Variants in DOCK1 observed in about 807,000 individuals in gnomAD.
The protein encoded by DOCK1 is dedicator of cytokinesis protein 1.
In DOCK1, 138 loss-of-function variants were observed where a neutral mutation model predicts 262.7. The ratio of observed to expected loss-of-function variants is 0.53; its 90% CI spans 0.46 to 0.61. DOCK1 has a LOEUF of 0.61. Ranked by LOEUF, DOCK1 falls within the 20% of genes least tolerant of loss-of-function variation. The pLI, the probability that DOCK1 is intolerant of heterozygous loss-of-function variation, is 0.00. For missense variants in DOCK1, 1,908 were observed against 2,370.7 expected (o/e 0.80, Z 4.05); for synonymous variants, 866 against 867.4 (o/e 1.00, Z 0.03).
At chr10:127,230,223 C>G (rs1461931182) in intron 27 of DOCK1, among the ~76,000 whole-genome samples, 1 of 152,168 alleles carries the variant, frequency 6.6e-6, no homozygotes, top group East Asian at 1.9e-4. Context: ...GGAGTCTCTT[C>G]ACTCTGGTGA....
intron 1 of DOCK1, among the ~76,000 whole-genome samples, chr10:126,935,623 T>A (rs1363993172): frequency 6.6e-6 from 1 of 152,210 alleles, no homozygotes; most frequent in South Asian, 2.1e-4. Flanking sequence ...GCCTCTCTCC[T>A]TTCCTTCCTG....
intron 33 of DOCK1, among the ~76,000 whole-genome samples, chr10:127,366,042 TG>T (rs1169764806): frequency 6.6e-6 from 1 of 152,074 alleles, no homozygotes; most frequent in African/African-American, 2.4e-5. Context: ...ATGCCGTGCT[TG>T]GATGTATGTA....
intron 25 of DOCK1, among the ~76,000 whole-genome samples, chr10:127,124,559 C>G (rs1368015515): frequency 6.6e-6 from 1 of 152,216 alleles, no homozygotes; most frequent in Non-Finnish European, 1.5e-5. Context: ...CATCCTTCCT[C>G]TGCTCTTATT....
At chr10:127,350,312 C>T (rs1319118947) in intron 31 of DOCK1, among the ~76,000 whole-genome samples, 1 of 145,546 alleles carries the variant, frequency 6.9e-6, no homozygotes, top group Middle Eastern at 3.5e-3. Context: ...GTGCACCCCT[C>T]ACCCCCTGGT....
At chr10:126,918,973 A>G (rs2032870783) in intron 1 of DOCK1, among the ~76,000 whole-genome samples, 1 of 151,340 alleles carries the variant, frequency 6.6e-6, no homozygotes, top group Non-Finnish European at 1.5e-5. Flanking sequence ...TTGGAGGAGG[A>G]GAAAGCCGAG....
At chr10:127,043,667 C>T (rs563380976) in intron 21 of DOCK1, among the ~76,000 whole-genome samples, 5 of 152,300 alleles carry the variant, frequency 3.3e-5, no homozygotes, top group Admixed American at 1.3e-4. Flanking sequence ...CCCCTCTGCC[C>T]GTCTGTGCCC....
At chr10:127,310,095 G>A (rs566993807) in intron 29 of DOCK1, among the ~76,000 whole-genome samples, 66 of 152,134 alleles carry the variant, frequency 4.3e-4, no homozygotes, top group African/African-American at 1.5e-3. Context: ...GGCTGGTCTC[G>A]AACTCCCAAC....
At chr10:127,000,558 G>T in intron 10 of DOCK1, 2 of 460,150 alleles carry the variant, frequency 4.3e-6, no homozygotes, top group Non-Finnish European at 7.5e-6. Context: ...ATCTTTCCCT[G>T]GGAGTGATCC....
chr10:127,148,194 G>C (rs2133409681), intron 27 of DOCK1, among the ~76,000 whole-genome samples: 1 of 152,264 alleles, frequency 6.6e-6, no homozygotes, highest in Non-Finnish European at 1.5e-5. Flanking sequence ...CATCCAGTCA[G>C]GTTCCAAGCC....
intron 28 of DOCK1, among the ~76,000 whole-genome samples, chr10:127,250,747 G>A (rs371793237): frequency 8.9e-5 from 11 of 123,652 alleles, no homozygotes; most frequent in Admixed American, 3.4e-4. Flanking sequence ...AGCCGAGATC[G>A]GGCCACTGCA....
intron 1 of DOCK1, among the ~76,000 whole-genome samples, chr10:126,941,036 T>G (rs2034939861): frequency 6.6e-6 from 1 of 152,204 alleles, no homozygotes; most frequent in Non-Finnish European, 1.5e-5. Flanking sequence ...TACATTCACA[T>G]TTTTCCATCA....
At chr10:126,982,630 C>T (rs1211312372) in intron 4 of DOCK1, among the ~76,000 whole-genome samples, 4 of 152,160 alleles carry the variant, frequency 2.6e-5, no homozygotes, top group Admixed American at 2.6e-4. Flanking sequence ...ATGATTACTG[C>T]ATAATGACAT....
intron 27 of DOCK1, among the ~76,000 whole-genome samples, chr10:127,160,950 G>C (rs1019439867): frequency 2.6e-5 from 4 of 152,118 alleles, no homozygotes; most frequent in African/African-American, 9.7e-5. Flanking sequence ...TCACTTAATA[G>C]TCTCAAAGTG....
chr10:126,970,680 AT>A (rs771329917), intron 1 of DOCK1, 21 bp from the exon 2 acceptor site: 2 of 1,577,214 alleles, frequency 1.3e-6, no homozygotes, highest in Non-Finnish European at 1.7e-6. Flanking sequence ...TTACTAATAT[AT>A]TTCCCCTTTT....
intron 23 of DOCK1, among the ~76,000 whole-genome samples, chr10:127,087,482 G>T (rs1252085473): frequency 6.6e-6 from 1 of 152,088 alleles, no homozygotes; most frequent in Admixed American, 6.6e-5. Context: ...GAGAATATTG[G>T]GTAGAGTGTT....
intron 48 of DOCK1, among the ~76,000 whole-genome samples, chr10:127,436,188 TC>T (rs1335644417): frequency 2.0e-5 from 3 of 152,212 alleles, no homozygotes; most frequent in African/African-American, 7.2e-5. Context: ...GTATATTTTA[TC>T]AATCAGTTTA....
At chr10:127,186,845 G>C (rs546789893) in intron 27 of DOCK1, among the ~76,000 whole-genome samples, 1 of 152,128 alleles carries the variant, frequency 6.6e-6, no homozygotes, top group African/African-American at 2.4e-5. Context: ...CGAGAGAAAT[G>C]CACAGACAAA....
At position 126,926,175 on chromosome 10, in the gene DOCK1, G is replaced by A. The variant is rs1046979658; in HGVS notation, c.46+20612G>A. Among the ~76,000 whole-genome samples, 4 of 152,162 alleles carry A rather than the reference G, an allele frequency of 2.6e-5. No individual in the cohort carries two copies. The South Asian group carries it at 6.2e-4, about 24-fold the overall frequency. ...CCACCTGCTACATGGGAGTACCATC[G>A]GGGCACCATGTAAGCCTGAAAATTG... On this transcript the variant is annotated intron_variant, in intron 1 of 51. Transcript: ENST00000623213.
intron 26 of DOCK1, 30 bp downstream of exon 26, chr10:127,125,631 G>C (rs937818454): frequency 1.3e-6 from 2 of 1,599,818 alleles, no homozygotes; most frequent in Admixed American, 3.5e-5. Context: ...GTGACGTCCT[G>C]CCATTTGCCT....
Sources: gnomAD v4.1 joint callset for allele counts (sites outside exome capture counted in the v4.1 genomes callset) on GRCh38, gnomAD v4.1.1 for gene constraint, MANE v1.5 for transcripts, NCBI Gene and HGNC (gene_info 2026-07-23, HGNC 2026-07-21) for gene names.